Variants in FILIP1L observed in about 807,000 individuals in gnomAD.
FILIP1L encodes filamin A interacting protein 1 like.
A neutral mutation model predicts 96.6 loss-of-function variants in FILIP1L; 55 were observed. That is an observed-to-expected ratio of 0.57 (90% confidence interval 0.46 to 0.71). FILIP1L has a LOEUF of 0.71. Among genes scored for constraint, FILIP1L ranks in the 30% least tolerant of loss-of-function variants. The pLI is 0.00. For synonymous variants in FILIP1L, 467 were observed against 473.9 expected, an observed-to-expected ratio of 0.99 and a Z score of 0.19; for missense variants, 1,304 against 1,321.2, an observed-to-expected ratio of 0.99 and a Z score of 0.20.
At position 99,958,720 on chromosome 3, in the gene FILIP1L, CCTT is replaced by C. The variant is rs1173112985; in HGVS notation, c.-10-27693_-10-27691del. Among the ~76,000 whole-genome samples the C allele has an allele frequency of 4.6e-5, 7 of 152,264 alleles. No individual in the cohort carries two copies. In the South Asian group the frequency reaches 1.5e-3, roughly 32 times the overall value. On this transcript the variant is annotated intron_variant, in intron 1 of 5. Transcript: ENST00000477258. Reference sequence around the variant, plus strand: ...CATAGAGGCATGAGCCAGCAGGGCTCCTTCAGGGAACAGCAGTGTGGATCATGG... The same window carrying C: ...CATAGAGGCATGAGCCAGCAGGGCTCCAGGGAACAGCAGTGTGGATCATGG...
intron 1 of FILIP1L, among the ~76,000 whole-genome samples, chr3:100,026,126 C>T (rs2064916105): frequency 6.6e-6 from 1 of 152,058 alleles, no homozygotes; most frequent in African/African-American, 2.4e-5. Context: ...CGAGGCTGGA[C>T]CTCTGTATCA....
intron 5 of FILIP1L, among the ~76,000 whole-genome samples, chr3:99,844,756 G>A (rs1323960973): frequency 2.0e-5 from 3 of 152,140 alleles, no homozygotes; most frequent in Non-Finnish European, 2.9e-5. Context: ...ATCCCCGTTT[G>A]GATCGTGGGG....
At chr3:99,904,709 A>C (rs1053833145) in intron 4 of FILIP1L, among the ~76,000 whole-genome samples, 1 of 152,082 alleles carries the variant, frequency 6.6e-6, no homozygotes, top group Non-Finnish European at 1.5e-5. Context: ...CACTGTAGCA[A>C]CTACCTCCTT....
At chr3:100,019,855 A>G (rs1246378638) in intron 1 of FILIP1L, among the ~76,000 whole-genome samples, 2 of 152,190 alleles carry the variant, frequency 1.3e-5, no homozygotes, top group Admixed American at 6.5e-5. Flanking sequence ...TGTACTTGGC[A>G]TGTATGGAAG....
chr3:99,904,875 T>C (rs1706560970), intron 4 of FILIP1L, among the ~76,000 whole-genome samples: 1 of 152,200 alleles, frequency 6.6e-6, no homozygotes, highest in Admixed American at 6.5e-5. Flanking sequence ...GCAAACCTCT[T>C]GAAGGAGTAT....
intron 1 of FILIP1L, among the ~76,000 whole-genome samples, chr3:99,993,370 T>G (rs1159714540): frequency 6.6e-6 from 1 of 151,844 alleles, no homozygotes; most frequent in African/African-American, 2.4e-5. Context: ...AATCTAAGAG[T>G]TTTTTGGTGG....
At chr3:99,944,534 G>A (rs1346115002) in intron 1 of FILIP1L, among the ~76,000 whole-genome samples, 1 of 152,206 alleles carries the variant, frequency 6.6e-6, no homozygotes, top group Non-Finnish European at 1.5e-5. Flanking sequence ...TAAATCGTTA[G>A]GCACTGAAAA....
intron 1 of FILIP1L, among the ~76,000 whole-genome samples, chr3:99,970,405 C>G (rs990156800): frequency 4.6e-5 from 7 of 152,200 alleles, no homozygotes; most frequent in African/African-American, 1.7e-4. Context: ...GAGATAAATG[C>G]TGTAAAGGAA....
intron 1 of FILIP1L, among the ~76,000 whole-genome samples, chr3:100,054,874 A>T (rs767433710): frequency 1.3e-5 from 2 of 152,188 alleles, no homozygotes; most frequent in Non-Finnish European, 2.9e-5. Flanking sequence ...CAGAAGTATG[A>T]GGTCATTTCA....
intron 1 of FILIP1L, among the ~76,000 whole-genome samples, chr3:100,027,508 G>A (rs1411505970): frequency 6.6e-6 from 1 of 152,130 alleles, no homozygotes; most frequent in Non-Finnish European, 1.5e-5. Context: ...CTTTATGAAT[G>A]CATCATGATG....
chr3:99,995,084 C>T (rs985530335), intron 1 of FILIP1L, among the ~76,000 whole-genome samples: 7 of 152,206 alleles, frequency 4.6e-5, no homozygotes, highest in East Asian at 1.9e-4. Context: ...TAACCCAAAA[C>T]GCGCAGTCCA....
chr3:99,939,968 G>A (rs550745738), intron 1 of FILIP1L, among the ~76,000 whole-genome samples: 3 of 152,086 alleles, frequency 2.0e-5, no homozygotes, highest in South Asian at 4.1e-4. Flanking sequence ...TGTTTTCTAC[G>A]TGCTGCAGTC....
intron 3 of FILIP1L, among the ~76,000 whole-genome samples, chr3:99,928,574 G>T (rs542670968): frequency 1.3e-5 from 2 of 152,278 alleles, no homozygotes; most frequent in South Asian, 4.1e-4. Context: ...AATTTTGCAT[G>T]TGCACAATAG....
At chr3:99,962,743 TTAAA>T (rs1372991782) in intron 1 of FILIP1L, among the ~76,000 whole-genome samples, 19 of 152,214 alleles carry the variant, frequency 1.2e-4, no homozygotes, top group South Asian at 4.1e-4. Flanking sequence ...TACAGTTAGT[TTAAA>T]TAACTTCCCA....
chr3:100,043,106 T>C (rs113098057), intron 1 of FILIP1L, among the ~76,000 whole-genome samples: 96 of 152,348 alleles, frequency 6.3e-4, no homozygotes, highest in Non-Finnish European at 1.1e-3. Context: ...TTTTGAATTA[T>C]AATGATGGAG....
At chr3:99,935,436 G>A (rs537707331) in intron 1 of FILIP1L, among the ~76,000 whole-genome samples, 1 of 152,266 alleles carries the variant, frequency 6.6e-6, no homozygotes, top group Non-Finnish European at 1.5e-5. Flanking sequence ...ACCCTAGAAC[G>A]ATAACCTTCA....
At chr3:99,856,416 T>G (rs1455849796) in intron 4 of FILIP1L, among the ~76,000 whole-genome samples, 1 of 152,222 alleles carries the variant, frequency 6.6e-6, no homozygotes, top group Admixed American at 6.5e-5. Flanking sequence ...AAGACTATTG[T>G]CTTGGAGTAC....
chr3:99,973,669 T>G (rs554823673), intron 1 of FILIP1L, among the ~76,000 whole-genome samples: 1 of 152,206 alleles, frequency 6.6e-6, no homozygotes. Context: ...GTAAGAAGAA[T>G]AATAAACACA....
intron 1 of FILIP1L, among the ~76,000 whole-genome samples, chr3:100,013,409 A>C (rs1710224275): frequency 6.6e-6 from 1 of 151,510 alleles, no homozygotes; most frequent in Non-Finnish European, 1.5e-5. Flanking sequence ...ATGCCCAGCT[A>C]ATTTTTATAT....
Sources: gnomAD v4.1 joint callset for allele counts (sites outside exome capture counted in the v4.1 genomes callset) on GRCh38, gnomAD v4.1.1 for gene constraint, MANE v1.5 for transcripts, NCBI Gene and HGNC (gene_info 2026-07-23, HGNC 2026-07-21) for gene names.